CDK14: variants seen among roughly 807,000 people sequenced by gnomAD.
CDK14 encodes cyclin-dependent kinase 14.
A neutral mutation model predicts 60.7 loss-of-function variants in CDK14; 34 were observed. The observed-to-expected ratio is 0.56, with a 90% confidence interval of 0.43 to 0.75. The LOEUF (loss-of-function observed/expected upper bound fraction) is 0.75, where lower values mean the gene tolerates loss of function less well. Among genes scored for constraint, CDK14 ranks in the 30% least tolerant of loss-of-function variants. The probability of loss-of-function intolerance (pLI) is 0.00; values close to 1 mark genes in which losing one functional copy is unlikely to be tolerated. For synonymous variants in CDK14, 197 were observed against 203.7 expected (o/e 0.97, Z 0.28); for missense variants, 482 against 564.1 (o/e 0.85, Z 1.47).
chr7:90,677,992 C>T lies in CDK14; in HGVS notation c.124-48575C>T, dbSNP rs147860881. ...TGAGTTGCCTCTTCGGCAGAGTCAA[C>T]ATTTGGGCCAGAGAGACTGCGACTC... On this transcript the variant is annotated intron_variant, in intron 2 of 14. Transcript: ENST00000380050. Among the ~76,000 whole-genome samples, 204 of 152,256 alleles carry T rather than the reference C, an allele frequency of 1.3e-3. 3 individuals are homozygous for T. The highest frequency in any genetic ancestry group is 0.012 in the South Asian group (57 of 4,828).
At chr7:90,599,381 C>T (rs1584732315) in intron 1 of CDK14, among the ~76,000 whole-genome samples, 1 of 152,210 alleles carries the variant, frequency 6.6e-6, no homozygotes, top group South Asian at 2.1e-4. Context: ...AGCCTTAAAA[C>T]GGAGTTAGGC....
At chr7:90,860,816 C>T (rs1293756920) in intron 5 of CDK14, among the ~76,000 whole-genome samples, 1 of 152,090 alleles carries the variant, frequency 6.6e-6, no homozygotes, top group African/African-American at 2.4e-5. Flanking sequence ...AGCCACCACG[C>T]CTGGCCGCGT....
intron 2 of CDK14, among the ~76,000 whole-genome samples, chr7:90,665,365 G>A (rs1210604649): frequency 6.6e-6 from 1 of 152,120 alleles, no homozygotes; most frequent in Non-Finnish European, 1.5e-5. Flanking sequence ...GCCCTCTATG[G>A]CAGGTACTGT....
At chr7:90,935,678 AT>A (rs1442993495) in intron 8 of CDK14, among the ~76,000 whole-genome samples, 2 of 152,172 alleles carry the variant, frequency 1.3e-5, no homozygotes, top group Non-Finnish European at 2.9e-5. Context: ...TATTAGTAAG[AT>A]TTTCCATGTA....
At chr7:90,856,989 C>T (rs1297505244) in intron 5 of CDK14, among the ~76,000 whole-genome samples, 1 of 152,020 alleles carries the variant, frequency 6.6e-6, no homozygotes, top group African/African-American at 2.4e-5. Context: ...AGACTAAAGG[C>T]GAAGTGATGG....
intron 5 of CDK14, among the ~76,000 whole-genome samples, chr7:90,842,188 T>C (rs1584035112): frequency 2.0e-5 from 3 of 152,196 alleles, no homozygotes; most frequent in Non-Finnish European, 2.9e-5. Flanking sequence ...TAATACCTTA[T>C]TTTATATATT....
intron 2 of CDK14, among the ~76,000 whole-genome samples, chr7:90,643,554 T>C (rs541849881): frequency 6.6e-6 from 1 of 152,302 alleles, no homozygotes; most frequent in Non-Finnish European, 1.5e-5. Flanking sequence ...TTTCTTAAGG[T>C]GGTTTTCCCG....
intron 8 of CDK14, among the ~76,000 whole-genome samples, chr7:90,937,589 A>C (rs536205713): frequency 5.3e-4 from 80 of 152,328 alleles, no homozygotes; most frequent in Non-Finnish European, 8.7e-4. Context: ...TAGAAAACAA[A>C]ATTTCTATCT....
intron 14 of CDK14, among the ~76,000 whole-genome samples, chr7:91,119,639 C>T (rs1799720037): frequency 6.6e-6 from 1 of 152,188 alleles, no homozygotes; most frequent in South Asian, 2.1e-4. Context: ...AAACTGTACA[C>T]ATTGTCTTGT....
intron 10 of CDK14, among the ~76,000 whole-genome samples, chr7:91,011,535 C>T (rs1422191903): frequency 1.3e-5 from 2 of 151,916 alleles, no homozygotes; most frequent in Non-Finnish European, 2.9e-5. Context: ...TTGTTTCTGC[C>T]TCCTATTCTT....
At chr7:90,643,140 G>A (rs1800379850) in intron 2 of CDK14, among the ~76,000 whole-genome samples, 1 of 152,206 alleles carries the variant, frequency 6.6e-6, no homozygotes, top group Non-Finnish European at 1.5e-5. Flanking sequence ...AAGATGAGCA[G>A]ACCTTTGCCT....
intron 3 of CDK14, among the ~76,000 whole-genome samples, chr7:90,737,499 C>G (rs1803169770): frequency 6.6e-6 from 1 of 152,134 alleles, no homozygotes; most frequent in Admixed American, 6.5e-5. Context: ...GGCGTTACTT[C>G]CTCTTCTGGG....
intron 7 of CDK14, among the ~76,000 whole-genome samples, 184 bp downstream of exon 7, chr7:90,899,537 TA>T (rs1792436190): frequency 6.6e-6 from 1 of 152,144 alleles, no homozygotes; most frequent in Admixed American, 6.6e-5. Context: ...TAACATTAAA[TA>T]TTTTTACTGG....
At chr7:90,797,827 T>C (rs1447079654) in intron 5 of CDK14, among the ~76,000 whole-genome samples, 2 of 151,844 alleles carry the variant, frequency 1.3e-5, no homozygotes, top group South Asian at 2.1e-4. Context: ...ACTATTGATA[T>C]GACAACACGA....
At chr7:90,626,576 G>A (rs189281860) in intron 2 of CDK14, among the ~76,000 whole-genome samples, 3 of 151,938 alleles carry the variant, frequency 2.0e-5, no homozygotes, top group Non-Finnish European at 4.4e-5. Flanking sequence ...TGAGCTTCTC[G>A]ACCAGCACTG....
chr7:90,636,119 A>C (rs201831077), intron 2 of CDK14, among the ~76,000 whole-genome samples: 41,772 of 143,130 alleles, frequency 0.29, 6,882 homozygotes, highest in East Asian at 0.65. Flanking sequence ...AATTGAATAC[A>C]CTTTATTTCC....
chr7:90,861,659 A>G (rs1202254849), intron 5 of CDK14, among the ~76,000 whole-genome samples: 1 of 152,132 alleles, frequency 6.6e-6, no homozygotes, highest in Non-Finnish European at 1.5e-5. Context: ...AGGAAGGAAA[A>G]GGGAGAAATT....
chr7:90,806,607 T>C (rs1242779602), intron 5 of CDK14, among the ~76,000 whole-genome samples: 1 of 152,052 alleles, frequency 6.6e-6, no homozygotes, highest in Non-Finnish European at 1.5e-5. Flanking sequence ...CTGGGAAGTG[T>C]TGGAAAGTGG....
intron 3 of CDK14, among the ~76,000 whole-genome samples, chr7:90,733,843 G>A (rs986284878): frequency 2.0e-5 from 3 of 152,230 alleles, no homozygotes; most frequent in South Asian, 2.1e-4. Flanking sequence ...GAATTCGATC[G>A]TGTTATTATG....
Sources: allele counts gnomAD v4.1 joint callset (sites outside exome capture counted in the v4.1 genomes callset), GRCh38; gene constraint gnomAD v4.1.1; transcripts MANE v1.5; gene names NCBI Gene and HGNC (gene_info 2026-07-23, HGNC 2026-07-21).